DCAF6: variants seen among roughly 807,000 people sequenced by gnomAD.
DCAF6 encodes the protein DDB1- and CUL4-associated factor 6.
DCAF6 carries 54 observed loss-of-function variants against 125.1 expected under a neutral mutation model. The observed-to-expected ratio is 0.43, with a 90% CI of 0.35 to 0.54. The LOEUF (loss-of-function observed/expected upper bound fraction) is 0.54. Among genes scored for constraint, DCAF6 ranks in the 20% least tolerant of loss-of-function variants. DCAF6 has a pLI of 0.01. For synonymous variants in DCAF6, 371 were observed against 390.4 expected, an observed-to-expected ratio of 0.95 and a Z score of 0.58; for missense variants, 934 against 1,161.7, an observed-to-expected ratio of 0.80 and a Z score of 2.85.
intron 16 of DCAF6, among the ~76,000 whole-genome samples, chr1:168,050,379 T>C (rs1032087391): frequency 1.3e-5 from 2 of 152,186 alleles, no homozygotes; most frequent in Non-Finnish European, 2.9e-5. Context: ...GTTTACTCTT[T>C]ATTAAAGAAA....
At chr1:167,931,590 T>G (rs1173300427), upstream of DCAF6, among the ~76,000 whole-genome samples, 1 of 152,010 alleles carries the variant, frequency 6.6e-6, no homozygotes, top group Non-Finnish European at 1.5e-5. Flanking sequence ...AGACTGGCAT[T>G]AAGATTCTTC....
At chr1:167,943,229 A>C (rs557523945) in intron 1 of DCAF6, among the ~76,000 whole-genome samples, 1 of 152,306 alleles carries the variant, frequency 6.6e-6, no homozygotes, top group East Asian at 1.9e-4. Flanking sequence ...CTTTTTTAAA[A>C]AAATTTATAG....
upstream of DCAF6, among the ~76,000 whole-genome samples, chr1:167,932,746 T>C (rs1571519735): frequency 6.7e-6 from 1 of 148,916 alleles, no homozygotes; most frequent in African/African-American, 2.5e-5. Context: ...GAGGCCAAGG[T>C]TGCAGTGAGC....
At chr1:167,953,340 G>C (rs1674271935) in intron 2 of DCAF6, among the ~76,000 whole-genome samples, 1 of 152,072 alleles carries the variant, frequency 6.6e-6, no homozygotes, top group Non-Finnish European at 1.5e-5. Flanking sequence ...TAATTAAACA[G>C]CATGCCACGC....
In DCAF6 at chr1:168,035,015, TA is replaced by T. The variant is rs1173489731; in HGVS notation, c.1610-3355del. On this transcript the variant is annotated intron_variant, in intron 12 of 21. Transcript: ENST00000367840. ...CACAAAGAGTGAATGCATTCATTAG[TA>T]GTCCAGGAATCCTAATTCCTGAGAA... Among the ~76,000 whole-genome samples, 8 of 152,334 alleles carry T rather than the reference TA, an allele frequency of 5.3e-5. No homozygotes were observed. The East Asian group carries it at 1.5e-3, about 29-fold the overall frequency.
chr1:168,031,553 C>T (rs1687092700), intron 12 of DCAF6, among the ~76,000 whole-genome samples: 1 of 152,152 alleles, frequency 6.6e-6, no homozygotes, highest in South Asian at 2.1e-4. Context: ...AAACAATAAG[C>T]TAGGAGGACA....
At chr1:167,990,220 T>C (rs1680639787) in intron 5 of DCAF6, among the ~76,000 whole-genome samples, 1 of 152,116 alleles carries the variant, frequency 6.6e-6, no homozygotes, top group African/African-American at 2.4e-5. Context: ...TTTAAAAAAT[T>C]AGCCTGGTAT....
intron 2 of DCAF6, among the ~76,000 whole-genome samples, chr1:167,954,989 C>T (rs571424021): frequency 4.6e-5 from 7 of 152,236 alleles, no homozygotes; most frequent in African/African-American, 1.7e-4. Context: ...TTTGCATTTT[C>T]TAGAATTTTA....
chr1:168,065,348 A>G lies in DCAF6; in HGVS notation c.2440-242A>G, dbSNP rs990122688. Among the ~76,000 whole-genome samples the G allele has an allele frequency of 3.3e-5, 5 of 152,010 alleles. No homozygotes were observed. In the East Asian group the frequency reaches 5.8e-4, roughly 18 times the overall value. ...TTTTTTATAGATAGGGGATCTCACT[A>G]TATTGCCCAGGCTGGTCTCAAACTC... On this transcript the variant is annotated intron_variant, in intron 18 of 21. Coordinates refer to ENST00000367840, the MANE Select transcript of DCAF6 (RefSeq NM_001198956.2).
At chr1:168,035,530 A>G (rs1687693090) in intron 12 of DCAF6, among the ~76,000 whole-genome samples, 1 of 152,180 alleles carries the variant, frequency 6.6e-6, no homozygotes, top group Non-Finnish European at 1.5e-5. Flanking sequence ...GACACTGTTT[A>G]CTTAAGTGTA....
chr1:167,959,736 T>C (rs945900406), intron 2 of DCAF6, among the ~76,000 whole-genome samples: 1 of 152,254 alleles, frequency 6.6e-6, no homozygotes, highest in Admixed American at 6.5e-5. Context: ...TTGTAGTGTT[T>C]TAAGAGTTCT....
chr1:168,014,445 A>G (rs994475287), intron 10 of DCAF6, among the ~76,000 whole-genome samples: 9 of 152,146 alleles, frequency 5.9e-5, no homozygotes, highest in Non-Finnish European at 1.2e-4. Flanking sequence ...TGACTGCCTC[A>G]AGATTCAGTT....
At chr1:168,017,225 T>TG (rs200264933) in intron 11 of DCAF6, among the ~76,000 whole-genome samples, 1,957 of 150,652 alleles carry the variant, frequency 0.013, 52 homozygotes, top group African/African-American at 0.044. Flanking sequence ...AAAACATTTT[T>TG]GTTTTTTTTT....
chr1:168,026,035 T>C (rs1686298735), intron 12 of DCAF6, among the ~76,000 whole-genome samples: 1 of 152,148 alleles, frequency 6.6e-6, no homozygotes, highest in Non-Finnish European at 1.5e-5. Flanking sequence ...CAAAACTACT[T>C]TTTTGTTGAG....
intron 7 of DCAF6, among the ~76,000 whole-genome samples, chr1:167,995,467 G>A (rs1171053429): frequency 2.0e-5 from 3 of 152,056 alleles, no homozygotes; most frequent in Non-Finnish European, 4.4e-5. Flanking sequence ...ATCACCTGAG[G>A]TCAGGAGTTC....
At chr1:167,975,814 C>CAGTGCCA (rs1254572263) in intron 4 of DCAF6, among the ~76,000 whole-genome samples, 1 of 152,150 alleles carries the variant, frequency 6.6e-6, no homozygotes, top group Admixed American at 6.6e-5. Flanking sequence ...TGGCCTCTCA[C>CAGTGCCA]AGTGCCAAGG....
chr1:167,909,926 C>T, the DCAF6 span, among the ~76,000 whole-genome samples: 10 of 150,824 alleles, frequency 6.6e-5, no homozygotes, highest in Admixed American at 1.3e-4. Context: ...CAAGACCAGC[C>T]GGCGCCACTG....
chr1:167,945,221 A>G (rs186262218), intron 1 of DCAF6, among the ~76,000 whole-genome samples: 1 of 152,282 alleles, frequency 6.6e-6, no homozygotes, highest in Non-Finnish European at 1.5e-5. Flanking sequence ...TTTTGGTTCC[A>G]TATGAATTTT....
the DCAF6 span, chr1:167,883,331 C>A: frequency 7.5e-7 from 1 of 1,333,252 alleles, no homozygotes; most frequent in Admixed American, 1.7e-5. Flanking sequence ...AGCCACCACG[C>A]CCAGCCTCTA....
Sources: allele counts gnomAD v4.1 joint callset (sites outside exome capture counted in the v4.1 genomes callset), GRCh38; gene constraint gnomAD v4.1.1; transcripts MANE v1.5; gene names NCBI Gene and HGNC (gene_info 2026-07-23, HGNC 2026-07-21).